The following ZNF398 variants were observed in gnomAD, a reference collection of about 807,000 sequenced individuals.
The protein encoded by ZNF398 is zinc finger protein 398, also known as zinc finger DNA binding protein ZER6.
In ZNF398, 18 loss-of-function variants were observed where a neutral mutation model predicts 41.9. The observed-to-expected ratio is 0.43, with a 90% CI of 0.30 to 0.64. The LOEUF (loss-of-function observed/expected upper bound fraction) is 0.64, where lower values mean the gene tolerates loss of function less well. Among genes scored for constraint, ZNF398 ranks in the 30% least tolerant of loss-of-function variants. The pLI is 0.14. For synonymous variants in ZNF398, 260 were observed against 308.8 expected (o/e 0.84, Z 1.66); for missense variants, 669 against 822.8 (o/e 0.81, Z 2.29).
chr7:149,139,746 C>T (rs1180021556), intron 2 of ZNF398, among the ~76,000 whole-genome samples: 1 of 150,486 alleles, frequency 6.6e-6, no homozygotes, highest in African/African-American at 2.5e-5. Flanking sequence ...TGGCTCACGC[C>T]TGTAATCCCA....
At chr7:149,142,513 A>G (rs973272941), upstream of ZNF398, among the ~76,000 whole-genome samples, 1 of 152,124 alleles carries the variant, frequency 6.6e-6, no homozygotes, top group Non-Finnish European at 1.5e-5. Context: ...TAAAAATACA[A>G]AAAATTAGCC....
chr7:149,128,218 T>C (rs1292494657), intron 1 of ZNF398, among the ~76,000 whole-genome samples: 1 of 152,168 alleles, frequency 6.6e-6, no homozygotes, highest in Admixed American at 6.6e-5. Context: ...CATCAGTCAA[T>C]ACATGTAAAG....
chr7:149,135,849 CAA>C (rs1257224918), intron 2 of ZNF398, among the ~76,000 whole-genome samples: 2 of 152,044 alleles, frequency 1.3e-5, no homozygotes, highest in African/African-American at 2.4e-5. Flanking sequence ...CCCAGCTACT[CAA>C]GAGGCTGAGC....
intron 1 of ZNF398, chr7:149,148,249 C>A (rs1827011174): frequency 1.2e-5 from 2 of 169,362 alleles, no homozygotes; most frequent in Admixed American, 6.5e-5. Flanking sequence ...TCGGGACACG[C>A]GGGAGGCCCT....
At chr7:149,150,106 TC>T (rs2129520155) in intron 1 of ZNF398, among the ~76,000 whole-genome samples, 1 of 152,284 alleles carries the variant, frequency 6.6e-6, no homozygotes, top group South Asian at 2.1e-4. Context: ...GGATGCAACT[TC>T]CTTAGGAAGT....
chr7:149,176,895 A>C (rs1795472155), intron 5 of ZNF398, among the ~76,000 whole-genome samples: 1 of 152,184 alleles, frequency 6.6e-6, no homozygotes, highest in Admixed American at 6.5e-5. Context: ...AAAGGGTAGA[A>C]AACGTGGGAG....
At chr7:149,155,734 T>G (rs200615250) in intron 2 of ZNF398, among the ~76,000 whole-genome samples, 2 of 110,656 alleles carry the variant, frequency 1.8e-5, no homozygotes, top group African/African-American at 4.1e-5. Context: ...TTTTTTAATT[T>G]TTTTTTTTTT....
Position 149,147,794 on chromosome 7 carries a change from G to T in ZNF398, c.24+28G>T. 1.4e-6 allele frequency: 2 copies of T among 1,385,062 alleles called. 1 individual carries two copies. The highest frequency in any genetic ancestry group is 1.9e-6 in the Non-Finnish European group (2 of 1,066,406). 85.8% of individuals were successfully genotyped at this position (1,385,062 alleles called of 1,614,324 possible). On this transcript the variant is annotated intron_variant, in intron 1 of 5. Transcript: ENST00000475153. The surrounding 1 kb of genome is among the most constrained non-coding windows in gnomAD (Gnocchi z 5.6). ...AAGGGCGGCCGCGCGCGAGTGTTGT[G>T]AGCCCCCGAGACCCAGACCCCGAGG...
At chr7:149,143,277 A>C (rs1474538430), upstream of ZNF398, among the ~76,000 whole-genome samples, 2 of 152,250 alleles carry the variant, frequency 1.3e-5, no homozygotes, top group Non-Finnish European at 2.9e-5. Context: ...AAAGGCTTTA[A>C]TTTTGTAATT....
intron 1 of ZNF398, chr7:149,148,332 G>A (rs148894885): frequency 0.029 from 16,934 of 574,998 alleles, 296 homozygotes; most frequent in Non-Finnish European, 0.034. Context: ...CGGTTCATTC[G>A]CGGGTGTTTG....
At chr7:149,130,286 G>T (rs1826571398) in intron 2 of ZNF398, among the ~76,000 whole-genome samples, 1 of 152,030 alleles carries the variant, frequency 6.6e-6, no homozygotes, top group African/African-American at 2.4e-5. Context: ...AGTAGAGAAG[G>T]GGTTTCACCA....
At chr7:149,155,730 A>ATTTT (rs148643688) in intron 2 of ZNF398, among the ~76,000 whole-genome samples, 3 of 92,390 alleles carry the variant, frequency 3.2e-5, no homozygotes, top group Admixed American at 1.4e-4. Context: ...TTTTTTTTTT[A>ATTTT]ATTTTTTTTT....
At chr7:149,168,792 T>A (rs1440955720) in intron 4 of ZNF398, among the ~76,000 whole-genome samples, 1 of 151,964 alleles carries the variant, frequency 6.6e-6, no homozygotes, top group Non-Finnish European at 1.5e-5. Context: ...TGACTTCAAG[T>A]GATCCACCCG....
At chr7:149,172,507 A>G (rs1417740526) in intron 4 of ZNF398, among the ~76,000 whole-genome samples, 2 of 152,160 alleles carry the variant, frequency 1.3e-5, no homozygotes, top group Non-Finnish European at 2.9e-5. Flanking sequence ...AATGGTGGCA[A>G]TTCAGATGTA....
chr7:149,172,195 CCA>C (rs1306150355), intron 4 of ZNF398, among the ~76,000 whole-genome samples: 6 of 152,232 alleles, frequency 3.9e-5, no homozygotes, highest in South Asian at 2.1e-4. Context: ...GTATCGTTTT[CCA>C]CAGTTTGTTA....
chr7:149,139,350 T>A (rs1457866637), intron 2 of ZNF398, among the ~76,000 whole-genome samples: 2 of 152,142 alleles, frequency 1.3e-5, no homozygotes, highest in Non-Finnish European at 2.9e-5. Context: ...TAAACCAGTG[T>A]ACCTGGTCTA....
At chr7:149,138,414 T>C (rs13236087) in intron 2 of ZNF398, among the ~76,000 whole-genome samples, 81,092 of 151,670 alleles carry the variant, frequency 0.53, 25,160 homozygotes, top group East Asian at 0.9. Context: ...ATACCATCTC[T>C]ACTAAAAATA....
At chr7:149,163,365 C>T (rs1795151640) in intron 2 of ZNF398, among the ~76,000 whole-genome samples, 2 of 150,456 alleles carry the variant, frequency 1.3e-5, no homozygotes, top group Non-Finnish European at 3.0e-5. Flanking sequence ...CCATCATGCC[C>T]AGCTAATTTT....
chr7:149,171,128 A>G (rs1288384060), intron 4 of ZNF398, among the ~76,000 whole-genome samples: 5 of 150,642 alleles, frequency 3.3e-5, no homozygotes. Flanking sequence ...GATTATAGGC[A>G]TGAGCCACCG....
Sources: gnomAD v4.1 joint callset for allele counts (sites outside exome capture counted in the v4.1 genomes callset) on GRCh38, gnomAD v4.1.1 for gene constraint, Gnocchi (gnomAD v3.1) non-coding constraint, MANE v1.5 for transcripts, NCBI Gene and HGNC (gene_info 2026-07-23, HGNC 2026-07-21) for gene names.